Variants in QTMAN observed in about 807,000 individuals in gnomAD.
QTMAN encodes queuosine-tRNA mannosyltransferase.
At chr2:144,252,676 A>AT in the QTMAN span, among the ~76,000 whole-genome samples, 1 of 152,234 alleles carries the variant, frequency 6.6e-6, no homozygotes, top group Non-Finnish European at 1.5e-5. Flanking sequence ...GCCACTTTGG[A>AT]TAACAGTTTT....
chr2:144,005,613 T>TC, the QTMAN span: 1 of 152,078 alleles, frequency 6.6e-6, no homozygotes, highest in Non-Finnish European at 1.5e-5. Context: ...GCGGCTTTTT[T>TC]CCCTCTTCTC....
chr2:144,136,395 A>AAAGGAAAGGAAAGGAAAGGAAAGGAAAGG, the QTMAN span, among the ~76,000 whole-genome samples: 42 of 97,442 alleles, frequency 4.3e-4, no homozygotes, highest in African/African-American at 1.9e-3. Flanking sequence ...AAGGAAAAGG[A>AAAGGAAAGGAAAGGAAAGGAAAGGAAAGG]AAAGGAAAGG....
At chr2:144,009,932 A>G in the QTMAN span, among the ~76,000 whole-genome samples, 3 of 152,076 alleles carry the variant, frequency 2.0e-5, no homozygotes, top group African/African-American at 7.2e-5. Flanking sequence ...TAAGAGAAGG[A>G]ACATCTGTAC....
At chr2:144,024,156 T>C in the QTMAN span, among the ~76,000 whole-genome samples, 37 of 152,368 alleles carry the variant, frequency 2.4e-4, no homozygotes, top group African/African-American at 8.7e-4. Context: ...CAGAGAATTA[T>C]GGGCAACAAA....
the QTMAN span, among the ~76,000 whole-genome samples, chr2:144,311,773 C>T: frequency 2.6e-4 from 40 of 152,172 alleles, no homozygotes; most frequent in Admixed American, 1.1e-3. Context: ...ATAGTACTGC[C>T]ACTTACACAT....
At chr2:144,079,049 A>G in the QTMAN span, among the ~76,000 whole-genome samples, 1 of 152,182 alleles carries the variant, frequency 6.6e-6, no homozygotes, top group African/African-American at 2.4e-5. Context: ...TACCATAACA[A>G]TAAGAGTGTG....
the QTMAN span, among the ~76,000 whole-genome samples, chr2:144,130,921 T>C: frequency 2.6e-4 from 40 of 152,084 alleles, no homozygotes; most frequent in Non-Finnish European, 5.3e-4. Context: ...ATTATGTTAT[T>C]GAACTCTGAG....
chr2:144,152,129 T>C, the QTMAN span, among the ~76,000 whole-genome samples: 3 of 152,278 alleles, frequency 2.0e-5, no homozygotes, highest in South Asian at 6.2e-4. Flanking sequence ...TTTACTTTCT[T>C]CCATCATGTA....
the QTMAN span, among the ~76,000 whole-genome samples, chr2:144,086,649 C>T: frequency 6.6e-6 from 1 of 152,170 alleles, no homozygotes; most frequent in Non-Finnish European, 1.5e-5. Flanking sequence ...AGTTTCCAAA[C>T]TACTACGAGG....
chr2:143,977,696 G>T, the QTMAN span, among the ~76,000 whole-genome samples: 1,643 of 152,310 alleles, frequency 0.011, 10 homozygotes, highest in Middle Eastern at 0.017. Flanking sequence ...GGAAGACGGA[G>T]AATTTGAACT....
At chr2:144,250,831 T>G in the QTMAN span, among the ~76,000 whole-genome samples, 1 of 151,544 alleles carries the variant, frequency 6.6e-6, no homozygotes, top group African/African-American at 2.4e-5. Context: ...TTCACAAATG[T>G]GCTTATTAGA....
chr2:144,266,330 T>A, the QTMAN span, among the ~76,000 whole-genome samples: 2 of 152,200 alleles, frequency 1.3e-5, no homozygotes, highest in African/African-American at 4.8e-5. Context: ...AAAAAGTGGT[T>A]GTAAAAAAGA....
the QTMAN span, among the ~76,000 whole-genome samples, chr2:144,124,152 A>G: frequency 1.3e-5 from 2 of 152,098 alleles, no homozygotes; most frequent in African/African-American, 4.8e-5. Flanking sequence ...CTCCTCAACT[A>G]TGCTTTAAAC....
chr2:144,081,554 T>C, the QTMAN span, among the ~76,000 whole-genome samples: 2 of 151,992 alleles, frequency 1.3e-5, no homozygotes, highest in Non-Finnish European at 2.9e-5. Flanking sequence ...ACAGGGCTTG[T>C]ACACTATGGA....
At chr2:144,072,810 G>A in the QTMAN span, among the ~76,000 whole-genome samples, 81 of 152,284 alleles carry the variant, frequency 5.3e-4, no homozygotes, top group Non-Finnish European at 9.3e-4. Context: ...AAATACTTTC[G>A]TAGAGTTTAA....
the QTMAN span, among the ~76,000 whole-genome samples, chr2:144,272,330 A>T: frequency 6.6e-6 from 1 of 152,214 alleles, no homozygotes; most frequent in Non-Finnish European, 1.5e-5. Flanking sequence ...TTAAAATACC[A>T]AACAAAATTT....
the QTMAN span, among the ~76,000 whole-genome samples, chr2:144,255,928 G>T: frequency 6.6e-6 from 1 of 152,178 alleles, no homozygotes; most frequent in African/African-American, 2.4e-5. Flanking sequence ...TTGATGGTTG[G>T]GGGAAGGCTG....
the QTMAN span, among the ~76,000 whole-genome samples, chr2:144,289,572 G>T: frequency 2.6e-5 from 4 of 152,320 alleles, no homozygotes; most frequent in African/African-American, 9.6e-5. Flanking sequence ...ATCCAGTGGG[G>T]ATAGTGAGGG....
At chr2:143,986,912 T>A in the QTMAN span, among the ~76,000 whole-genome samples, 1 of 152,102 alleles carries the variant, frequency 6.6e-6, no homozygotes, top group African/African-American at 2.4e-5. Context: ...TGAGTGTATA[T>A]GGAGGGTAAG....
Sources: allele counts gnomAD v4.1 joint callset (sites outside exome capture counted in the v4.1 genomes callset), GRCh38; gene constraint gnomAD v4.1.1; transcripts MANE v1.5; gene names NCBI Gene and HGNC (gene_info 2026-07-23, HGNC 2026-07-21).